Variants in HAPLN1 observed in about 807,000 individuals in gnomAD.
HAPLN1 encodes Cartilage link protein.
A neutral mutation model predicts 36.5 loss-of-function variants in HAPLN1; 13 were observed. The ratio of observed to expected loss-of-function variants is 0.36; its 90% CI spans 0.23 to 0.57. The LOEUF (loss-of-function observed/expected upper bound fraction) is 0.57, where lower values mean the gene tolerates loss of function less well. Among genes scored for constraint, HAPLN1 ranks in the 20% least tolerant of loss-of-function variants. The probability of loss-of-function intolerance (pLI) is 0.83; values close to 1 mark genes in which losing one functional copy is unlikely to be tolerated. For missense variants in HAPLN1, 407 were observed against 439.7 expected, an observed-to-expected ratio of 0.93 and a Z score of 0.66; for synonymous variants, 202 against 169.8, an observed-to-expected ratio of 1.19 and a Z score of -1.48.
At chr5:83,644,980 G>C (rs1749813531) in intron 3 of HAPLN1, among the ~76,000 whole-genome samples, 2 of 152,060 alleles carry the variant, frequency 1.3e-5, no homozygotes, top group Admixed American at 6.5e-5. Flanking sequence ...CCCTCCCCAG[G>C]AACTTACCAT....
At chr5:83,675,261 A>C (rs1200340371) in intron 1 of HAPLN1, 1 of 152,200 alleles carries the variant, frequency 6.6e-6, no homozygotes, top group African/African-American at 2.4e-5. Context: ...CTGTAAACAC[A>C]AATATGAAAC....
intron 1 of HAPLN1, among the ~76,000 whole-genome samples, chr5:83,687,785 A>G (rs1186828095): frequency 1.3e-5 from 2 of 152,190 alleles, no homozygotes; most frequent in African/African-American, 4.8e-5. Flanking sequence ...TGAGAGTATC[A>G]GAAGGATGGA....
At chr5:83,651,532 CAAAT>C (rs1366528162) in intron 3 of HAPLN1, among the ~76,000 whole-genome samples, 22 of 74,834 alleles carry the variant, frequency 2.9e-4, no homozygotes, top group Non-Finnish European at 7.9e-5. Flanking sequence ...ATGTATAAAG[CAAAT>C]AAATCTCCAT....
At position 83,639,796 on chromosome 5, in the gene HAPLN1, A is replaced by G. The variant is rs1334706623; in HGVS notation, c.*1700T>C. Reference sequence around the variant, plus strand: ...TAACATTGTCATCTTTTAATATTAAAGCATCTGAAAATTTTCAGATATGTT... The same window carrying G: ...TAACATTGTCATCTTTTAATATTAAGGCATCTGAAAATTTTCAGATATGTT... On this transcript the variant is annotated 3_prime_UTR_variant, in exon 5 of 5. Coordinates refer to ENST00000274341, the MANE Select transcript of HAPLN1 (RefSeq NM_001884.4). 6.6e-6 allele frequency: 1 copy of G among 152,130 alleles called. No individual in the cohort carries two copies. Among genetic ancestry groups the G allele is most frequent in the Non-Finnish European group, 1.5e-5 (1 of 67,954 alleles). The allele number at this position is 152,130 out of a possible 1,614,324, so 9.4% of individuals were successfully genotyped here.
intron 3 of HAPLN1, among the ~76,000 whole-genome samples, chr5:83,646,818 T>G (rs1749890923): frequency 6.6e-6 from 1 of 152,182 alleles, no homozygotes; most frequent in African/African-American, 2.4e-5. Context: ...CCCTCATATC[T>G]TTTATCCTCT....
intron 3 of HAPLN1, among the ~76,000 whole-genome samples, chr5:83,649,479 C>T (rs1211419310): frequency 2.0e-5 from 3 of 152,036 alleles, no homozygotes; most frequent in Admixed American, 6.5e-5. Flanking sequence ...GACGGAGTCT[C>T]GCTCTGTCAC....
intron 2 of HAPLN1, among the ~76,000 whole-genome samples, chr5:83,659,385 G>T (rs1385318696): frequency 2.6e-5 from 4 of 152,092 alleles, no homozygotes; most frequent in Non-Finnish European, 5.9e-5. Flanking sequence ...CCATTTATGA[G>T]AATTCAAAAG....
At chr5:83,701,819 G>C (rs965842617) in intron 1 of HAPLN1, among the ~76,000 whole-genome samples, 2 of 151,922 alleles carry the variant, frequency 1.3e-5, no homozygotes, top group East Asian at 1.9e-4. Flanking sequence ...CCAGCTGCTT[G>C]GGAGGCTGAG....
intron 2 of HAPLN1, among the ~76,000 whole-genome samples, chr5:83,670,804 C>T (rs1304400925): frequency 1.3e-5 from 2 of 151,988 alleles, no homozygotes; most frequent in African/African-American, 2.4e-5. Context: ...AGGCAATTCT[C>T]CTGCCTCAGC....
At chr5:83,682,690 C>T (rs964037280) in intron 1 of HAPLN1, among the ~76,000 whole-genome samples, 1 of 152,158 alleles carries the variant, frequency 6.6e-6, no homozygotes, top group African/African-American at 2.4e-5. Flanking sequence ...GCCAAAAGGG[C>T]TGTGTCTACA....
intron 1 of HAPLN1, among the ~76,000 whole-genome samples, chr5:83,713,851 T>C (rs1751850972): frequency 6.6e-6 from 1 of 152,208 alleles, no homozygotes; most frequent in South Asian, 2.1e-4. Flanking sequence ...GACCTCTGAA[T>C]GGGTTTTCCA....
Position 83,671,835 on chromosome 5 carries a change from C to A in HAPLN1, c.100+1589G>T, listed in dbSNP as rs146759099. On this transcript the variant is annotated intron_variant, in intron 2 of 4. Transcript: ENST00000274341. ...TGCACTTTCTAAGAATATGAATTTA[C>A]AATTAAAATGAAGTGGACTATCAAG... Among the ~76,000 whole-genome samples the A allele has an allele frequency of 8.7e-4, 133 of 152,280 alleles. 1 individual carries two copies. In the East Asian group the frequency reaches 0.014, roughly 16 times the overall value.
intron 1 of HAPLN1, among the ~76,000 whole-genome samples, chr5:83,678,250 T>TGTGTGTGTGTGTGTGTG (rs1561313858): frequency 6.6e-6 from 1 of 151,052 alleles, no homozygotes; most frequent in Admixed American, 6.6e-5. Flanking sequence ...TGTGTGTGTG[T>TGTGTGTGTGTGTGTGTG]TTTAATTAAA....
chr5:83,678,357 CTCTT>C (rs1561313903), intron 1 of HAPLN1, among the ~76,000 whole-genome samples: 1 of 151,928 alleles, frequency 6.6e-6, no homozygotes. Flanking sequence ...ATTTTACAAA[CTCTT>C]TATATTGTTG....
At chr5:83,718,003 T>C (rs1751951521) in intron 1 of HAPLN1, among the ~76,000 whole-genome samples, 2 of 152,234 alleles carry the variant, frequency 1.3e-5, no homozygotes, top group African/African-American at 4.8e-5. Context: ...ACATTAAACC[T>C]TAGAGAAATT....
intron 1 of HAPLN1, chr5:83,674,334 C>T (rs1346893547): frequency 1.3e-5 from 2 of 152,172 alleles, no homozygotes; most frequent in Non-Finnish European, 2.9e-5. Flanking sequence ...CCCTGCCAGC[C>T]TCCCAGGGCA....
intron 1 of HAPLN1, among the ~76,000 whole-genome samples, chr5:83,706,949 C>A (rs1751666924): frequency 6.6e-6 from 1 of 152,082 alleles, no homozygotes; most frequent in African/African-American, 2.4e-5. Flanking sequence ...AAGCCAAGAG[C>A]CAAATCAGGA....
chr5:83,700,738 T>TA (rs1320407510), intron 1 of HAPLN1, among the ~76,000 whole-genome samples: 1 of 151,996 alleles, frequency 6.6e-6, no homozygotes, highest in East Asian at 1.9e-4. Context: ...TGCTATGATC[T>TA]ATCAGTTTAA....
intron 1 of HAPLN1, among the ~76,000 whole-genome samples, chr5:83,695,534 G>A (rs1751372500): frequency 6.7e-6 from 1 of 149,594 alleles, no homozygotes; most frequent in South Asian, 2.1e-4. Flanking sequence ...TACATATTTA[G>A]TGTATCTATT....
Sources: allele counts gnomAD v4.1 joint callset (sites outside exome capture counted in the v4.1 genomes callset), GRCh38; gene constraint gnomAD v4.1.1; transcripts MANE v1.5; gene names NCBI Gene and HGNC (gene_info 2026-07-23, HGNC 2026-07-21).